ZFP41: variants seen among roughly 807,000 people sequenced by gnomAD.
ZFP41 encodes ZFP41 zinc finger protein.
In ZFP41, 10 loss-of-function variants were observed where a neutral mutation model predicts 11.6. The ratio of observed to expected loss-of-function variants is 0.86; its 90% confidence interval spans 0.53 to 1.47. ZFP41 has a LOEUF of 1.47. Among genes scored for constraint, ZFP41 ranks in the 40% most tolerant of loss-of-function variants. ZFP41 has a pLI of 0.00. For missense variants in ZFP41, 302 were observed against 264.6 expected, an observed-to-expected ratio of 1.14 and a Z score of -0.98; for synonymous variants, 123 against 100.9, an observed-to-expected ratio of 1.22 and a Z score of -1.31.
At chr8:143,258,813 T>C (rs990203844) in intron 2 of ZFP41, among the ~76,000 whole-genome samples, 12 of 151,998 alleles carry the variant, frequency 7.9e-5, no homozygotes, top group African/African-American at 2.9e-4. Flanking sequence ...AGAACACAAG[T>C]TAAAACAACA....
intron 2 of ZFP41, among the ~76,000 whole-genome samples, chr8:143,251,851 C>T (rs1188736741): frequency 1.3e-5 from 2 of 152,232 alleles, no homozygotes; most frequent in Non-Finnish European, 2.9e-5. Context: ...CGGCAGGCCT[C>T]CCCTCCCACT....
chr8:143,250,001 G>C lies in ZFP41; in HGVS notation c.158G>C (p.Ser53Thr). The C allele has an allele frequency of 1.2e-6, 2 of 1,614,178 alleles. No homozygotes were observed. Among genetic ancestry groups the C allele is most frequent in the Non-Finnish European group, 1.7e-6 (2 of 1,180,040 alleles). ...AAGCCCCGCACAGAGCCCTGCCTGA[G>C]TCCTGAAGACGAAGAGCACGTCTTT... is the stretch of plus-strand genomic sequence containing the variant. ...PRKPRTEPCL[S>T]PEDEEHVFDA... is the part of the protein sequence containing the mutation. The change falls in exon 2 of 3, where the codon AGT becomes ACT. Residue 53 changes from serine (S) to threonine (T), a missense_variant. Physicochemically the swap from Ser to Thr is moderately conservative, Grantham distance 58 (BLOSUM62 1). Coordinates refer to ENST00000330701, the MANE Select transcript of ZFP41 (RefSeq NM_173832.6).
intron 2 of ZFP41, among the ~76,000 whole-genome samples, chr8:143,256,502 CA>C (rs770110888): frequency 6.6e-5 from 10 of 152,222 alleles, no homozygotes; most frequent in Non-Finnish European, 1.3e-4. Context: ...GGGGGCCATG[CA>C]AACTGACTGC....
Position 143,250,458 on chromosome 8 carries a change from A to G in ZFP41, c.*18A>G, listed in dbSNP as rs1816783666. 1.2e-6 allele frequency: 2 copies of G among 1,601,428 alleles called. No homozygotes were observed. Among genetic ancestry groups the G allele is most frequent in the Admixed American group, 3.4e-5 (2 of 59,350 alleles). ...AGCCCTGAGCCGGGGCCATCTGCGG[A>G]CTCGGGCCCTGCGGTGCGAGCCTCG... is the stretch of plus-strand genomic sequence containing the variant. On this transcript the variant is annotated 3_prime_UTR_variant, in exon 2 of 3. Transcript: ENST00000330701.
intron 2 of ZFP41, chr8:143,252,599 A>G (rs972447325): frequency 2.0e-6 from 2 of 983,674 alleles, no homozygotes; most frequent in African/African-American, 3.5e-5. Context: ...CGCTGCTGGA[A>G]GCACGGCCTT....
At chr8:143,257,836 G>A (rs1322600560) in intron 2 of ZFP41, among the ~76,000 whole-genome samples, 2 of 152,256 alleles carry the variant, frequency 1.3e-5, no homozygotes, top group African/African-American at 4.8e-5. Context: ...CAGAGATTGT[G>A]TGGATGATTC....
At position 143,250,909 on chromosome 8, in the gene ZFP41, A is replaced by G. The variant is rs75949679; in HGVS notation, c.*469A>G. On this transcript the variant is annotated 3_prime_UTR_variant, in exon 2 of 3. Coordinates refer to ENST00000330701, the MANE Select transcript of ZFP41 (RefSeq NM_173832.6). ...TCTGCCGCTGAAGGCCCCAGTCTGGACTCTCTGCCCTCTGGGTCCCCGAGC... is the reference window on the plus strand; with the variant it reads ...TCTGCCGCTGAAGGCCCCAGTCTGGGCTCTCTGCCCTCTGGGTCCCCGAGC... 816 of 182,308 alleles carry G rather than the reference A, an allele frequency of 4.5e-3. 5 individuals carry two copies. Among genetic ancestry groups the G allele is most frequent in the African/African-American group, 0.018 (765 of 42,004 alleles). 11.3% of individuals were successfully genotyped at this position (182,308 alleles called of 1,614,324 possible).
rs1309342519 is a variant in ZFP41, at chr8:143,261,450, C to G, written c.*2576C>G. 1 of 152,764 alleles carries G rather than the reference C, an allele frequency of 6.5e-6. No individual in the cohort carries two copies. Among genetic ancestry groups the G allele is most frequent in the African/African-American group, 2.4e-5 (1 of 41,374 alleles). 9.5% of individuals were successfully genotyped at this position (152,764 alleles called of 1,614,324 possible). ...GAGGTCAATGAGGAACAGCTGAGGT[C>G]CAGGGACGCAGGAAGGATGGGGTGA... On this transcript the variant is annotated 3_prime_UTR_variant, in exon 3 of 3. Transcript: ENST00000330701.
rs1396979957 is a variant in ZFP41, at chr8:143,261,266, C to G, written c.*2392C>G. On this transcript the variant is annotated 3_prime_UTR_variant, in exon 3 of 3. Transcript: ENST00000330701. ...TTGGGGCGCTGAGATGTGATCGTTT[C>G]TTTCCTGAGAATGAGCTGAGGTAAA... is the stretch of plus-strand genomic sequence containing the variant. 6.6e-6 allele frequency: 1 copy of G among 152,350 alleles called. No homozygotes were observed. The highest frequency in any genetic ancestry group is 1.5e-5 in the Non-Finnish European group (1 of 68,142). The allele number at this position is 152,350 out of a possible 1,614,324, so 9.4% of individuals were successfully genotyped here.
chr8:143,250,538 C>T lies in ZFP41; in HGVS notation c.*98C>T. On this transcript the variant is annotated 3_prime_UTR_variant, in exon 2 of 3. Transcript: ENST00000330701. Reference sequence around the variant, plus strand: ...TCCCGCGTCTGATGGGGGCGCAGGGCCGTGCGCACTGTGTTCCGTGCCCTG... The same window carrying T: ...TCCCGCGTCTGATGGGGGCGCAGGGTCGTGCGCACTGTGTTCCGTGCCCTG... 2.6e-6 allele frequency: 4 copies of T among 1,524,094 alleles called. No homozygotes were observed. Among genetic ancestry groups the T allele is most frequent in the Non-Finnish European group, 2.6e-6 (3 of 1,136,622 alleles). 94.4% of individuals were successfully genotyped at this position (1,524,094 alleles called of 1,614,324 possible). A position where few individuals can be genotyped will look rare whatever the true frequency, so the allele number is the denominator to read the frequency against.
In ZFP41 at chr8:143,250,214, TC is replaced by T. The variant is rs1416295507; in HGVS notation, c.373del (p.Arg125GlyfsTer35). On this transcript the variant is annotated frameshift_variant, in exon 2 of 3. Coordinates refer to ENST00000330701, the MANE Select transcript of ZFP41 (RefSeq NM_173832.6). LOFTEE classifies it high-confidence loss of function. ...AAGTGTGCGCAGTGCGGGAAGGCCT[TC>T]CGGCACAGCTCTGACGTCACCAAAC... ...PFKCAQCGKA[F>X]RHSSDVTKHQ... 1.2e-6 allele frequency: 2 copies of T among 1,613,908 alleles called. No individual in the cohort carries two copies. The highest frequency in any genetic ancestry group is 1.7e-6 in the Non-Finnish European group (2 of 1,180,024).
chr8:143,249,593 TGGG>T lies in ZFP41; in HGVS notation c.-154-94_-154-92del, dbSNP rs1401863462. Reference sequence around the variant, plus strand: ...TCAGCAATGCCGTTTGAGACACTCTTGGGGGAACACATGGGAAGGGAGGGGCCG... The same window carrying T: ...TCAGCAATGCCGTTTGAGACACTCTTGGAACACATGGGAAGGGAGGGGCCG... On this transcript the variant is annotated intron_variant, in intron 1 of 2. Coordinates refer to ENST00000330701, the MANE Select transcript of ZFP41 (RefSeq NM_173832.6). 7 of 467,442 alleles carry T rather than the reference TGGG, an allele frequency of 1.5e-5. No individual in the cohort carries two copies. In the East Asian group the frequency reaches 2.2e-4, roughly 15 times the overall value. 29.0% of individuals were successfully genotyped at this position (467,442 alleles called of 1,614,324 possible).
intron 2 of ZFP41, among the ~76,000 whole-genome samples, chr8:143,258,328 C>T (rs1277045727): frequency 1.3e-5 from 2 of 152,206 alleles, no homozygotes; most frequent in Non-Finnish European, 2.9e-5. Context: ...GACGCCTCTT[C>T]CAGGCCTGGC....
At chr8:143,258,956 T>C (rs1038073558) in intron 2 of ZFP41, among the ~76,000 whole-genome samples, 1 of 152,198 alleles carries the variant, frequency 6.6e-6, no homozygotes, top group African/African-American at 2.4e-5. Flanking sequence ...AGCCTGGCGT[T>C]TTCTGGCAAA....
At position 143,250,310 on chromosome 8, in the gene ZFP41, C is replaced by G; in HGVS notation, c.467C>G (p.Ser156Cys). ...GECGKAFNCGSNLLKHQKTHT... is the reference protein window; with the variant it reads ...GECGKAFNCGCNLLKHQKTHT... ...TGCGGGAAAGCCTTTAACTGCGGCT[C>G]CAATCTCCTGAAACATCAGAAGACG... The change falls in exon 2 of 3, where the codon TCC (serine) becomes TGC (cysteine). Residue 156 changes from serine (S) to cysteine (C), a missense_variant. By Grantham distance (112) the Ser-to-Cys change is moderately radical. Coordinates refer to ENST00000330701, the MANE Select transcript of ZFP41 (RefSeq NM_173832.6). 6.2e-7 allele frequency: 1 copy of G among 1,614,048 alleles called. No individual in the cohort carries two copies. The highest frequency in any genetic ancestry group is 8.5e-7 in the Non-Finnish European group (1 of 1,180,036).
intron 1 of ZFP41, chr8:143,247,765 T>C (rs1816720606): frequency 6.6e-6 from 1 of 152,212 alleles, no homozygotes; most frequent in Admixed American, 6.5e-5. Context: ...GCCAAGAAAA[T>C]CGCTATGGTC....
chr8:143,255,803 G>A (rs1468548651), intron 2 of ZFP41, among the ~76,000 whole-genome samples: 1 of 113,250 alleles, frequency 8.8e-6, no homozygotes, highest in African/African-American at 3.7e-5. Flanking sequence ...CTCGCCCCGC[G>A]TGCTGGTGTT....
intron 2 of ZFP41, among the ~76,000 whole-genome samples, chr8:143,256,310 C>T (rs7465215): frequency 0.058 from 5,616 of 97,510 alleles, 127 homozygotes; most frequent in Middle Eastern, 0.13. Context: ...GGGCTCGCCC[C>T]GCGTGCTGGT....
At chr8:143,259,346 G>A (rs774644111) in intron 2 of ZFP41, among the ~76,000 whole-genome samples, 85 of 152,358 alleles carry the variant, frequency 5.6e-4, no homozygotes, top group Middle Eastern at 6.8e-3. Context: ...CAAAGGCATG[G>A]TTCACACTCA....
Sources: gnomAD v4.1 joint callset for allele counts (sites outside exome capture counted in the v4.1 genomes callset) on GRCh38, gnomAD v4.1.1 for gene constraint, MANE v1.5 for transcripts, NCBI Gene and HGNC (gene_info 2026-07-23, HGNC 2026-07-21) for gene names.